Variants in PMS1 observed in about 807,000 individuals in gnomAD.
The protein encoded by PMS1 is PMS1 protein homolog 1.
In PMS1, 79 loss-of-function variants were observed where a neutral mutation model predicts 93.1. The observed-to-expected ratio is 0.85, with a 90% confidence interval of 0.71 to 1.02. The LOEUF is 1.02. PMS1 is among the 50% of genes least tolerant of loss of function. The probability of loss-of-function intolerance (pLI) is 0.00; values close to 1 mark genes in which losing one functional copy is unlikely to be tolerated. For missense variants in PMS1, 1,064 were observed against 1,085.3 expected, an observed-to-expected ratio of 0.98 and a Z score of 0.28; for synonymous variants, 335 against 363.4, an observed-to-expected ratio of 0.92 and a Z score of 0.89.
chr2:189,870,275 A>G (rs1217535272), intron 11 of PMS1, among the ~76,000 whole-genome samples: 2 of 152,208 alleles, frequency 1.3e-5, no homozygotes, highest in South Asian at 2.1e-4. Flanking sequence ...ACTTCTTTGG[A>G]TAAGGATAAA....
chr2:189,877,062 C>T (rs78439559), intron 12 of PMS1, among the ~76,000 whole-genome samples: 1 of 152,226 alleles, frequency 6.6e-6, no homozygotes, highest in Non-Finnish European at 1.5e-5. Context: ...TTTCTCTGCA[C>T]TAGAATGTAA....
intron 5 of PMS1, among the ~76,000 whole-genome samples, chr2:189,830,846 G>C (rs1335273047): frequency 6.6e-6 from 1 of 151,858 alleles, no homozygotes; most frequent in African/African-American, 2.4e-5. Flanking sequence ...CAACTGGACA[G>C]AGAGATAGCA....
intron 4 of PMS1, among the ~76,000 whole-genome samples, chr2:189,813,199 A>C (rs908002071): frequency 2.0e-5 from 3 of 152,226 alleles, no homozygotes; most frequent in African/African-American, 4.8e-5. Flanking sequence ...GGGAAGAATC[A>C]ATTCTTTCTG....
intron 9 of PMS1, among the ~76,000 whole-genome samples, chr2:189,863,231 G>GT (rs1313824617): frequency 6.7e-6 from 1 of 148,468 alleles, no homozygotes; most frequent in African/African-American, 2.5e-5. Context: ...TGTTGTTGTT[G>GT]TTTTTTCTTT....
intron 5 of PMS1, among the ~76,000 whole-genome samples, chr2:189,820,780 T>C (rs1163859364): frequency 5.3e-5 from 8 of 152,226 alleles, no homozygotes; most frequent in Non-Finnish European, 5.9e-5. Flanking sequence ...GTAATAGTGC[T>C]GAGGTCAGAA....
rs373575150 is a variant in PMS1 at position 189,816,784 on chromosome 2, A to G, written c.419-1233A>G. ...TTTGCTCTGTGTTATAAGCAGTAGG[A>G]CAAAAATTGACCTATTGCAGCAACT... On this transcript the variant is annotated intron_variant, in intron 4 of 12. Coordinates refer to ENST00000441310, the MANE Select transcript of PMS1 (RefSeq NM_000534.5). Among the ~76,000 whole-genome samples, 10 of 152,278 alleles carry G rather than the reference A, an allele frequency of 6.6e-5. No homozygotes were observed. The East Asian group carries it at 1.5e-3, about 24-fold the overall frequency.
At chr2:189,816,983 G>T (rs2051361865) in intron 4 of PMS1, among the ~76,000 whole-genome samples, 1 of 151,990 alleles carries the variant, frequency 6.6e-6, no homozygotes, top group Non-Finnish European at 1.5e-5. Context: ...TAAAAAAAAA[G>T]ATGGTAGTTT....
At chr2:189,795,215 A>G (rs994033302) in intron 2 of PMS1, among the ~76,000 whole-genome samples, 1 of 152,250 alleles carries the variant, frequency 6.6e-6, no homozygotes, top group Non-Finnish European at 1.5e-5. Context: ...GTTATAATGT[A>G]GTAAACATAG....
intron 9 of PMS1, among the ~76,000 whole-genome samples, chr2:189,856,154 CTT>C (rs77130183): frequency 5.0e-5 from 7 of 140,440 alleles, no homozygotes; most frequent in Admixed American, 2.1e-4. Context: ...TTTTTGTCAT[CTT>C]TTTTTTTTTT....
intron 6 of PMS1, among the ~76,000 whole-genome samples, chr2:189,847,268 A>G (rs997746455): frequency 6.6e-5 from 10 of 152,080 alleles, no homozygotes. Context: ...GATCTTTTGA[A>G]TCTGAAGGGT....
rs1049143782 is a variant in PMS1, at chr2:189,844,511, G to T, written c.699+431G>T. Among the ~76,000 whole-genome samples the T allele has an allele frequency of 2.6e-5, 4 of 151,940 alleles. No homozygotes were observed. The South Asian group carries it at 8.3e-4, about 32-fold the overall frequency. On this transcript the variant is annotated intron_variant, in intron 6 of 12. Coordinates refer to ENST00000441310, the MANE Select transcript of PMS1 (RefSeq NM_000534.5). Reference sequence around the variant, plus strand: ...ATACAAAAATTAGCCAGGTGTGGTGGCACATGCCTGTAATCCCAGCTACTC... The same window carrying T: ...ATACAAAAATTAGCCAGGTGTGGTGTCACATGCCTGTAATCCCAGCTACTC...
intron 11 of PMS1, among the ~76,000 whole-genome samples, chr2:189,871,379 G>T (rs1359491731): frequency 1.3e-5 from 2 of 152,174 alleles, no homozygotes; most frequent in Non-Finnish European, 2.9e-5. Context: ...GTGTTGGGCT[G>T]CATTCAAAGT....
At chr2:189,857,578 T>C in intron 9 of PMS1, 1 of 401,612 alleles carries the variant, frequency 2.5e-6, no homozygotes, top group South Asian at 1.9e-5. Flanking sequence ...TTCTTCTTTT[T>C]TTCTTCCTTT....
chr2:189,863,642 A>T (rs1385563435), intron 9 of PMS1, 101 bp from the exon 10 acceptor site: 1 of 848,886 alleles, frequency 1.2e-6, no homozygotes, highest in African/African-American at 1.7e-5. Flanking sequence ...TGTCATTACT[A>T]TATCTGGAAC....
chr2:189,854,527 GGTCATT>G lies in PMS1; in HGVS notation c.1258_1263del (p.His420_Cys421del). The stretch of plus-strand genomic sequence containing the variant: ...GATAAGTATTGGTGACTTTGGTTAT[GGTCATT>G]GTAGTAGTGAAATTTCTAACATTGA... On this transcript the variant is annotated inframe_deletion, in exon 9 of 13. Transcript: ENST00000441310. 1 of 1,613,598 alleles carries G rather than the reference GGTCATT, an allele frequency of 6.2e-7. No individual in the cohort carries two copies. The highest frequency in any genetic ancestry group is 8.5e-7 in the Non-Finnish European group (1 of 1,179,754).
intron 5 of PMS1, among the ~76,000 whole-genome samples, chr2:189,833,609 T>C (rs1218412161): frequency 6.6e-6 from 1 of 152,098 alleles, no homozygotes; most frequent in Non-Finnish European, 1.5e-5. Flanking sequence ...TTCATTTTCA[T>C]TTGGGTAATT....
In PMS1 at chr2:189,869,374, C is replaced by A. The variant is rs998617156; in HGVS notation, c.2473+1445C>A. Among the ~76,000 whole-genome samples the A allele has an allele frequency of 3.3e-5, 5 of 152,278 alleles. No individual in the cohort carries two copies. In the East Asian group the frequency reaches 9.6e-4, roughly 29 times the overall value. On this transcript the variant is annotated intron_variant, in intron 11 of 12. Coordinates refer to ENST00000441310, the MANE Select transcript of PMS1 (RefSeq NM_000534.5). ...TGTTTTAGTCTTCCTAGAAATATTT[C>A]TTGCTCAGGGTCCCTGGCATCTTAA...
intron 12 of PMS1, 105 bp from the exon 13 acceptor site, chr2:189,877,167 C>A: frequency 1.1e-6 from 1 of 941,406 alleles, no homozygotes; most frequent in Non-Finnish European, 1.7e-6. Flanking sequence ...TGAGTGAATT[C>A]ATAAAATGAA....
intron 4 of PMS1, chr2:189,806,617 G>A (rs1028969147): frequency 5.0e-6 from 1 of 200,768 alleles, no homozygotes; most frequent in Non-Finnish European, 1.0e-5. Flanking sequence ...AGCTGGCCTC[G>A]AACTCCTGAG....
Sources: allele counts gnomAD v4.1 joint callset (sites outside exome capture counted in the v4.1 genomes callset), GRCh38; gene constraint gnomAD v4.1.1; transcripts MANE v1.5; gene names NCBI Gene and HGNC (gene_info 2026-07-23, HGNC 2026-07-21).